The following STON2 variants were observed in gnomAD, a reference collection of about 807,000 sequenced individuals.
The protein encoded by STON2 is stonin-2.
Under a neutral mutation model 65.7 loss-of-function variants are expected in STON2, and 29 were observed. The observed-to-expected ratio is 0.44, with a 90% CI of 0.33 to 0.60. The LOEUF is 0.60. STON2 is among the 20% of genes least tolerant of loss of function. The probability of loss-of-function intolerance (pLI) is 0.03; values close to 1 mark genes in which losing one functional copy is unlikely to be tolerated. For missense variants in STON2, 1,054 were observed against 1,118.1 expected (o/e 0.94, Z 0.82); for synonymous variants, 404 against 414.2 (o/e 0.98, Z 0.30).
At chr14:81,371,245 T>C in intron 3 of STON2, 60 bp from the exon 4 acceptor site, 3 of 1,491,638 alleles carry the variant, frequency 2.0e-6, no homozygotes, top group East Asian at 4.5e-5. Flanking sequence ...TGTTTATCTT[T>C]AGTGCTTATC....
At position 81,270,382 on chromosome 14, in the gene STON2, GC is replaced by G. The variant is rs1453831080; in HGVS notation, c.2784+287del. 31 of 1,373,508 alleles carry G rather than the reference GC, an allele frequency of 2.3e-5. No homozygotes were observed. The African/African-American group carries it at 4.1e-4, about 18-fold the overall frequency. The allele number at this position is 1,373,508 out of a possible 1,614,324, so 85.1% of individuals were successfully genotyped here. A position where few individuals can be genotyped will look rare whatever the true frequency, so the allele number is the denominator to read the frequency against. Reference sequence around the variant, plus strand: ...TTACAGGTGTGAGCCACTGTGCCTGGCCCCCATTATTCTTTTTGTTGTCATT... The same window carrying G: ...TTACAGGTGTGAGCCACTGTGCCTGGCCCCATTATTCTTTTTGTTGTCATT... On this transcript the variant is annotated intron_variant, in intron 7 of 7. Transcript: ENST00000614646.
At chr14:81,357,738 G>GGGACA (rs1401474293) in intron 4 of STON2, among the ~76,000 whole-genome samples, 1 of 152,102 alleles carries the variant, frequency 6.6e-6, no homozygotes, top group East Asian at 1.9e-4. Context: ...GTCCTTTGTA[G>GGGACA]GGACATGGAT....
chr14:81,331,578 C>T, intron 4 of STON2, among the ~76,000 whole-genome samples: 1 of 152,210 alleles, frequency 6.6e-6, no homozygotes, highest in East Asian at 1.9e-4. Context: ...TACCCTCATC[C>T]ACTGCCCACC....
rs1900433904 is a variant in STON2, at chr14:81,398,351, T to C, written c.32A>G (p.His11Arg). Residue 11 changes from histidine to arginine, a missense_variant, in exon 2 of 8, where the codon CAC (histidine) becomes CGC (arginine). Coordinates refer to ENST00000614646, the MANE Select transcript of STON2 (RefSeq NM_001394390.1). ...ATTGAAGGAGACCCATTCTGACTGG[T>C]GGGTGGCAATCACATGGTCCAAAGT... The part of the protein sequence containing the change: MTTLDHVIAT[H>R]QSEWVSFNEE... 1.2e-6 allele frequency: 2 copies of C among 1,613,978 alleles called. No homozygotes were observed. The highest frequency in any genetic ancestry group is 1.7e-6 in the Non-Finnish European group (2 of 1,179,946).
At chr14:81,293,312 T>C (rs1895635027) in intron 5 of STON2, among the ~76,000 whole-genome samples, 1 of 152,048 alleles carries the variant, frequency 6.6e-6, no homozygotes, top group Non-Finnish European at 1.5e-5. Flanking sequence ...TAGCTGGGAC[T>C]GCAGGAGCGT....
chr14:81,371,687 A>AG (rs1312479606), intron 3 of STON2, among the ~76,000 whole-genome samples: 1 of 146,812 alleles, frequency 6.8e-6, no homozygotes, highest in Non-Finnish European at 1.5e-5. Flanking sequence ...AAAAAAAAAA[A>AG]AAAAGAAAAG....
At chr14:81,297,161 C>G (rs1895794074) in intron 5 of STON2, among the ~76,000 whole-genome samples, 2 of 152,166 alleles carry the variant, frequency 1.3e-5, no homozygotes, top group South Asian at 4.1e-4. Flanking sequence ...CCACCGCTGC[C>G]TCCAAGACAA....
intron 4 of STON2, among the ~76,000 whole-genome samples, chr14:81,337,749 A>T (rs1897430507): frequency 6.6e-6 from 1 of 152,136 alleles, no homozygotes; most frequent in Admixed American, 6.5e-5. Context: ...GATAGCAAGG[A>T]GGTCAGTCCT....
intron 3 of STON2, among the ~76,000 whole-genome samples, chr14:81,391,657 A>G (rs1227432254): frequency 6.6e-6 from 1 of 152,192 alleles, no homozygotes; most frequent in Non-Finnish European, 1.5e-5. Context: ...TTGGCAGAAA[A>G]TTTGGAATTG....
At chr14:81,411,605 G>A (rs1482225273) in intron 2 of STON2, among the ~76,000 whole-genome samples, 2 of 152,212 alleles carry the variant, frequency 1.3e-5, no homozygotes, top group African/African-American at 4.8e-5. Flanking sequence ...CACTCCAGAG[G>A]GTGAGGCAGG....
intron 3 of STON2, among the ~76,000 whole-genome samples, chr14:81,389,640 C>A (rs937847475): frequency 1.3e-5 from 2 of 152,228 alleles, no homozygotes; most frequent in African/African-American, 4.8e-5. Flanking sequence ...TGGCCCACAG[C>A]TAGGTGGCCA....
At chr14:81,413,970 T>C (rs1454205420) in intron 2 of STON2, among the ~76,000 whole-genome samples, 4 of 137,794 alleles carry the variant, frequency 2.9e-5, no homozygotes, top group Non-Finnish European at 6.0e-5. Flanking sequence ...TATTTCTTTA[T>C]AAAGAAAAAA....
chr14:81,338,982 A>T (rs1897485491), intron 4 of STON2, among the ~76,000 whole-genome samples: 1 of 152,172 alleles, frequency 6.6e-6, no homozygotes, highest in Non-Finnish European at 1.5e-5. Context: ...CCAAGACCCA[A>T]AGGAGTAAAG....
intron 1 of STON2, among the ~76,000 whole-genome samples, chr14:81,432,605 T>C (rs1762907749): frequency 6.6e-6 from 1 of 152,038 alleles, no homozygotes; most frequent in Admixed American, 6.5e-5. Context: ...CAGGCCTGAG[T>C]GAGAGGTCTG....
Position 81,264,020 on chromosome 14 carries a change from A to G in STON2, c.*4394T>C, listed in dbSNP as rs1894263223. 7.1e-6 allele frequency: 7 copies of G among 985,430 alleles called. No individual in the cohort carries two copies. Among genetic ancestry groups the G allele is most frequent in the Non-Finnish European group, 8.4e-6 (7 of 829,934 alleles). The allele number at this position is 985,430 out of a possible 1,614,324, so 61.0% of individuals were successfully genotyped here. On this transcript the variant is annotated 3_prime_UTR_variant, in exon 8 of 8. Transcript: ENST00000614646. ...GTTAGTGCTGGAAGAACAAAGACCT[A>G]CTGCATGAAGACTGGTTGTGCACTC...
chr14:81,327,456 T>C (rs1237150258), intron 4 of STON2, among the ~76,000 whole-genome samples: 1 of 152,200 alleles, frequency 6.6e-6, no homozygotes, highest in Non-Finnish European at 1.5e-5. Flanking sequence ...ATTTAGAAGT[T>C]TGATCGCATT....
At chr14:81,394,367 C>CA (rs1255629512) in intron 3 of STON2, among the ~76,000 whole-genome samples, 2 of 151,986 alleles carry the variant, frequency 1.3e-5, no homozygotes, top group African/African-American at 4.8e-5. Context: ...GTGACACTAG[C>CA]AAAACATTTA....
rs61731857 is a variant in STON2, at chr14:81,268,465, C to T, written c.2817G>A (p.Pro939=). 3.9e-5 allele frequency: 50 copies of T among 1,289,482 alleles called. No homozygotes were observed. Among genetic ancestry groups the T allele is most frequent in the Middle Eastern group, 2.1e-4 (1 of 4,712 alleles). The allele number at this position is 1,289,482 out of a possible 1,614,324, so 79.9% of individuals were successfully genotyped here. Residue 939 remains proline, a synonymous_variant, in exon 8 of 8, where the codon CCG becomes CCA. Transcript: ENST00000614646. Reference sequence around the variant, plus strand: ...TTTCCATTTCATCTCCTTCAAAGTCCGGCTTCAAACTCTTTTTTTGCTCAA... The same window carrying T: ...TTTCCATTTCATCTCCTTCAAAGTCTGGCTTCAAACTCTTTTTTTGCTCAA... ...VEIEQKKSLK[P]DFEGDEMENP...
At position 81,398,284 on chromosome 14, in the gene STON2, GC is replaced by G. The variant is rs1290964275; in HGVS notation, c.88+10del. On this transcript the variant is annotated intron_variant, in intron 2 of 7. Transcript: ENST00000614646. The stretch of plus-strand genomic sequence containing the variant: ...AATCTCTTCACTTTAGGAAACGAAG[GC>G]ACTCCTTACCCTGCGAGTGGGCAGG... The G allele has an allele frequency of 6.3e-7, 1 of 1,598,242 alleles. No homozygotes were observed. Among genetic ancestry groups the G allele is most frequent in the East Asian group, 2.2e-5 (1 of 44,534 alleles).
Sources: allele counts gnomAD v4.1 joint callset (sites outside exome capture counted in the v4.1 genomes callset), GRCh38; gene constraint gnomAD v4.1.1; transcripts MANE v1.5; gene names NCBI Gene and HGNC (gene_info 2026-07-23, HGNC 2026-07-21).